Variants in LYRM7 observed in about 807,000 individuals in gnomAD.
The protein encoded by LYRM7 is LYR motif containing 7, also known as complex III assembly factor LYRM7.
LYRM7 carries 9 observed loss-of-function variants against 15.8 expected under a neutral mutation model. The observed-to-expected ratio is 0.57, with a 90% confidence interval of 0.34 to 0.99. The LOEUF is 0.99. Among genes scored for constraint, LYRM7 ranks in the 50% least tolerant of loss-of-function variants. LYRM7 has a pLI of 0.02. For synonymous variants in LYRM7, 39 were observed against 39.4 expected (o/e 0.99, Z 0.04); for missense variants, 115 against 119.1 (o/e 0.97, Z 0.16).
At chr5:131,179,451 TTTTC>T (rs1755654076) in intron 1 of LYRM7, among the ~76,000 whole-genome samples, 1 of 139,416 alleles carries the variant, frequency 7.2e-6, no homozygotes, top group Non-Finnish European at 1.5e-5. Context: ...TTTCTTTTTC[TTTTC>T]TTTTTTTTTT....
chr5:131,197,541 C>CTTTTT lies in LYRM7; in HGVS notation c.245-1972_245-1968dup, dbSNP rs60003952. The stretch of plus-strand genomic sequence containing the variant: ...AATTTGTTTTAGTGTTGTCTTCTGT[C>CTTTTT]TTTTTTTTTTTTTTTTTTTTTTGAG... On this transcript the variant is annotated intron_variant, in intron 4 of 4. Coordinates refer to ENST00000379380, the MANE Select transcript of LYRM7 (RefSeq NM_181705.4). Among the ~76,000 whole-genome samples the CTTTTT allele has an allele frequency of 3.1e-3, 281 of 90,652 alleles. 2 individuals carry two copies. The highest frequency in any genetic ancestry group is 5.0e-3 in the East Asian group (13 of 2,606). The allele number at this position is 90,652 out of a possible 152,430, so 59.5% of individuals were successfully genotyped here. A position where few individuals can be genotyped will look rare whatever the true frequency, so the allele number is the denominator to read the frequency against.
chr5:131,184,664 G>A (rs1237667419), intron 3 of LYRM7, among the ~76,000 whole-genome samples: 4 of 148,878 alleles, frequency 2.7e-5, no homozygotes, highest in African/African-American at 1.0e-4. Context: ...CAGGATTCAT[G>A]CAGACCACCT....
chr5:131,177,588 A>G (rs1181380635), intron 1 of LYRM7, among the ~76,000 whole-genome samples: 2 of 152,168 alleles, frequency 1.3e-5, no homozygotes, highest in African/African-American at 4.8e-5. Flanking sequence ...ATCAGGTACC[A>G]TTCTGATTTT....
intron 1 of LYRM7, among the ~76,000 whole-genome samples, chr5:131,176,099 A>C (rs1755598528): frequency 6.6e-6 from 1 of 152,228 alleles, no homozygotes; most frequent in South Asian, 2.1e-4. Context: ...CTTATTAATA[A>C]GGATATTTCA....
chr5:131,180,168 G>C lies in LYRM7; in HGVS notation c.91+1G>C, dbSNP rs747388934. 4.4e-6 allele frequency: 7 copies of C among 1,604,534 alleles called. No individual in the cohort carries two copies. The highest frequency in any genetic ancestry group is 6.0e-6 in the Non-Finnish European group (7 of 1,171,528). ...AAAAATGATGCCAGAGCATTAGAAG[G>C]TAAGTATGTTCTTTACCCCTTTGGA... On this transcript the variant is annotated splice_donor_variant, in intron 2 of 4. Coordinates refer to ENST00000379380, the MANE Select transcript of LYRM7 (RefSeq NM_181705.4). LOFTEE classifies it high-confidence loss of function.
chr5:131,181,718 T>C (rs533104402), intron 2 of LYRM7, among the ~76,000 whole-genome samples: 153 of 151,842 alleles, frequency 1.0e-3, no homozygotes, highest in African/African-American at 3.6e-3. Flanking sequence ...AAATTCTCAG[T>C]GGTATATGTA....
chr5:131,181,897 A>G (rs1755719162), intron 2 of LYRM7, among the ~76,000 whole-genome samples: 1 of 152,182 alleles, frequency 6.6e-6, no homozygotes, highest in Non-Finnish European at 1.5e-5. Context: ...ATTTTAATAG[A>G]AATCCTTAGA....
Position 131,178,805 on chromosome 5 carries a change from A to C in LYRM7, c.19-1290A>C, listed in dbSNP as rs1362653917. ...TGAAACCCCGTGTCTACTAAAGATA[A>C]CAAAAAATTAGCTGGGCGTGGTGGC... On this transcript the variant is annotated intron_variant, in intron 1 of 4. Transcript: ENST00000379380. Among the ~76,000 whole-genome samples the C allele has an allele frequency of 2.6e-5, 4 of 152,080 alleles. No individual in the cohort carries two copies. The East Asian group carries it at 7.7e-4, about 29-fold the overall frequency.
chr5:131,200,159 G>A lies in LYRM7; in HGVS notation c.*558G>A, dbSNP rs543050848. On this transcript the variant is annotated 3_prime_UTR_variant, in exon 5 of 5. Transcript: ENST00000379380. The stretch of plus-strand genomic sequence containing the variant: ...TTTTAGAGATAGAGAGTATCTCTGT[G>A]TTCTTATGAAGACATTTTTTATCAG... 1 of 152,402 alleles carries A rather than the reference G, an allele frequency of 6.6e-6. No individual in the cohort carries two copies. The highest frequency in any genetic ancestry group is 2.4e-5 in the African/African-American group (1 of 41,554). 9.4% of individuals were successfully genotyped at this position (152,402 alleles called of 1,614,324 possible). A position where few individuals can be genotyped will look rare whatever the true frequency, so the allele number is the denominator to read the frequency against.
intron 1 of LYRM7, among the ~76,000 whole-genome samples, chr5:131,178,561 CA>C (rs1755634996): frequency 6.6e-6 from 1 of 152,144 alleles, no homozygotes; most frequent in Non-Finnish European, 1.5e-5. Flanking sequence ...AGCCTCTTCA[CA>C]ATCTGTCTTT....
chr5:131,178,917 G>A (rs1165721277), intron 1 of LYRM7, among the ~76,000 whole-genome samples: 2 of 133,744 alleles, frequency 1.5e-5, no homozygotes, highest in African/African-American at 5.8e-5. Context: ...AGCCGAGATT[G>A]TGTCATTGCA....
intron 1 of LYRM7, among the ~76,000 whole-genome samples, chr5:131,178,587 G>C (rs1401916098): frequency 6.6e-6 from 1 of 151,972 alleles, no homozygotes; most frequent in Non-Finnish European, 1.5e-5. Flanking sequence ...AAAATGCCAG[G>C]CTCTTTTCTC....
intron 1 of LYRM7, among the ~76,000 whole-genome samples, chr5:131,177,501 T>C (rs1023851387): frequency 6.6e-6 from 1 of 152,264 alleles, no homozygotes; most frequent in Admixed American, 6.5e-5. Flanking sequence ...TGAGTATCTA[T>C]GGTGTTCTAA....
intron 4 of LYRM7, among the ~76,000 whole-genome samples, chr5:131,188,308 T>A (rs894923780): frequency 2.0e-5 from 3 of 149,752 alleles, no homozygotes; most frequent in African/African-American, 7.4e-5. Context: ...TATGGAAGTA[T>A]AACATACAAA....
chr5:131,176,644 G>T (rs1316036197), intron 1 of LYRM7, among the ~76,000 whole-genome samples: 1 of 151,938 alleles, frequency 6.6e-6, no homozygotes, highest in Non-Finnish European at 1.5e-5. Flanking sequence ...TAATGGTGAG[G>T]TTTGGGCTTC....
intron 4 of LYRM7, 139 bp downstream of exon 4, chr5:131,187,248 G>A: frequency 2.0e-6 from 1 of 505,448 alleles, no homozygotes; most frequent in South Asian, 3.6e-5. Context: ...TATTTTACAA[G>A]GTTATAGTCT....
chr5:131,180,755 A>G (rs1239099096), intron 2 of LYRM7, among the ~76,000 whole-genome samples: 1 of 152,224 alleles, frequency 6.6e-6, no homozygotes, highest in African/African-American at 2.4e-5. Context: ...CATCAAAAAT[A>G]ATTTCTGAAC....
intron 1 of LYRM7, chr5:131,171,688 A>T (rs1755525270): frequency 6.6e-6 from 1 of 152,160 alleles, no homozygotes; most frequent in Non-Finnish European, 1.5e-5. Context: ...CCATCCTTTA[A>T]CGTTTAACAT....
At chr5:131,180,420 C>T (rs1284633917) in intron 2 of LYRM7, among the ~76,000 whole-genome samples, 1 of 151,938 alleles carries the variant, frequency 6.6e-6, no homozygotes, top group Non-Finnish European at 1.5e-5. Context: ...CAGTGTTTAT[C>T]ATTGCTTGCC....
Sources: gnomAD v4.1 joint callset for allele counts (sites outside exome capture counted in the v4.1 genomes callset) on GRCh38, gnomAD v4.1.1 for gene constraint, MANE v1.5 for transcripts, NCBI Gene and HGNC (gene_info 2026-07-23, HGNC 2026-07-21) for gene names.